RCC2: variants seen among roughly 807,000 people sequenced by gnomAD.
The protein encoded by RCC2 is protein RCC2.
Under a neutral mutation model 64.1 loss-of-function variants are expected in RCC2, and 19 were observed. That is an observed-to-expected ratio of 0.30 (90% CI 0.21 to 0.44). The LOEUF (loss-of-function observed/expected upper bound fraction) is 0.44, where lower values mean the gene tolerates loss of function less well. Among genes scored for constraint, RCC2 ranks in the 20% least tolerant of loss-of-function variants. RCC2 has a pLI of 1.00. For missense variants in RCC2, 508 were observed against 710.4 expected, an observed-to-expected ratio of 0.72 and a Z score of 3.24; for synonymous variants, 325 against 279.6, an observed-to-expected ratio of 1.16 and a Z score of -1.62.
chr1:17,438,234 C>T lies in RCC2; in HGVS notation c.281G>A (p.Arg94His). The T allele has an allele frequency of 3.8e-6, 5 of 1,308,082 alleles. No homozygotes were observed. The South Asian group carries it at 8.5e-5, about 22-fold the overall frequency. 81.0% of individuals were successfully genotyped at this position (1,308,082 alleles called of 1,614,324 possible). A position where few individuals can be genotyped will look rare whatever the true frequency, so the allele number is the denominator to read the frequency against. Residue 94 changes from arginine to histidine, a missense_variant, in exon 2 of 13, where the codon CGC becomes CAC. Arg to His is a conservative substitution (Grantham distance 29, BLOSUM62 0). Coordinates refer to ENST00000375436, the MANE Select transcript of RCC2 (RefSeq NM_018715.4). ...TCTACCCTGACCCTCACTCACGACG[C>T]GCTCCTTGGTGTGCTCGGGTTCGGT... Reference protein sequence around the residue: ...VITEPEHTKERVKLEGSKCKG... With the variant: ...VITEPEHTKEHVKLEGSKCKG...
intron 7 of RCC2, among the ~76,000 whole-genome samples, chr1:17,417,661 C>T (rs927542834): frequency 2.0e-5 from 3 of 151,796 alleles, no homozygotes; most frequent in African/African-American, 4.8e-5. Context: ...CCAGCCTGGG[C>T]GACAGAACAA....
In RCC2 at chr1:17,422,739, T is replaced by A; in HGVS notation, c.621A>T (p.Ala207=). The A allele has an allele frequency of 6.2e-7, 1 of 1,614,118 alleles. No homozygotes were observed. Among genetic ancestry groups the A allele is most frequent in the Non-Finnish European group, 8.5e-7 (1 of 1,180,024 alleles). ...CCAAGGTGTGGTTCCGCCCACATGC[T>A]GCAGACACAATCACTTCGTGGCTAA... ...EGLSHEVIVS[A]ACGRNHTLAL... Residue 207 remains alanine, a synonymous_variant, in exon 5 of 13, where the codon GCA becomes GCT. Transcript: ENST00000375436.
At chr1:17,431,666 T>C (rs1166695552) in intron 2 of RCC2, among the ~76,000 whole-genome samples, 1 of 151,754 alleles carries the variant, frequency 6.6e-6, no homozygotes, top group Non-Finnish European at 1.5e-5. Flanking sequence ...TCCACTTCAA[T>C]AGGAACCTTT....
intron 7 of RCC2, among the ~76,000 whole-genome samples, chr1:17,419,884 TTC>T (rs1557625763): frequency 6.6e-6 from 1 of 152,210 alleles, no homozygotes; most frequent in East Asian, 1.9e-4. Flanking sequence ...TAAGGGGCTG[TTC>T]TCTCTTATTC....
At chr1:17,439,094 T>C (rs1457224022) in intron 1 of RCC2, among the ~76,000 whole-genome samples, 2 of 152,042 alleles carry the variant, frequency 1.3e-5, no homozygotes, top group African/African-American at 4.8e-5. Flanking sequence ...CCTCGGGCTC[T>C]AGTTAGCCGA....
At chr1:17,409,907 A>T in intron 12 of RCC2, 67 bp downstream of exon 12, 1 of 1,357,438 alleles carries the variant, frequency 7.4e-7, no homozygotes. Flanking sequence ...GATGATCAAA[A>T]TCATGAGGAG....
intron 4 of RCC2, 23 bp from the exon 5 acceptor site, chr1:17,422,859 T>A: frequency 6.2e-7 from 1 of 1,613,158 alleles, no homozygotes; most frequent in Non-Finnish European, 8.5e-7. Flanking sequence ...TGAGAGAAAG[T>A]AGAAAAGAGA....
At chr1:17,423,487 G>A (rs976329131) in intron 4 of RCC2, among the ~76,000 whole-genome samples, 7 of 152,184 alleles carry the variant, frequency 4.6e-5, no homozygotes, top group Admixed American at 2.0e-4. Context: ...CTGCAGGTGC[G>A]ACCAAGGCCC....
At chr1:17,437,533 C>T (rs1407363438) in intron 2 of RCC2, among the ~76,000 whole-genome samples, 1 of 152,148 alleles carries the variant, frequency 6.6e-6, no homozygotes, top group Non-Finnish European at 1.5e-5. Flanking sequence ...CGCCCAGGAC[C>T]CTAGGAGATG....
intron 1 of RCC2, 109 bp from the exon 2 acceptor site, chr1:17,438,631 C>A (rs967165227): frequency 8.9e-7 from 1 of 1,129,450 alleles, no homozygotes; most frequent in African/African-American, 1.6e-5. Flanking sequence ...CTGCCCTCCC[C>A]AAAGTGGCGG....
intron 1 of RCC2, among the ~76,000 whole-genome samples, chr1:17,438,798 G>C (rs977232764): frequency 6.6e-6 from 1 of 152,158 alleles, no homozygotes; most frequent in Admixed American, 6.5e-5. Context: ...CCGTAAGTTA[G>C]GTTTGCCCAC....
intron 7 of RCC2, among the ~76,000 whole-genome samples, chr1:17,418,941 T>C (rs2075520876): frequency 6.6e-6 from 1 of 152,142 alleles, no homozygotes; most frequent in Non-Finnish European, 1.5e-5. Context: ...TTTTTCCACC[T>C]CCTTTAAAGA....
At chr1:17,417,400 G>A (rs181074081) in intron 7 of RCC2, among the ~76,000 whole-genome samples, 1 of 152,174 alleles carries the variant, frequency 6.6e-6, no homozygotes, top group Admixed American at 6.5e-5. Context: ...GGGCACGGTG[G>A]GCCACGCCTG....
chr1:17,420,814 G>T lies in RCC2; in HGVS notation c.759C>A (p.Gly253=), dbSNP rs1168632824. ...VPSPAQIMYN[G]QPITKMACGA... Reference sequence around the variant, plus strand: ...CACAGGCCATTTTGGTAATTGGCTGGCCGTTGTACATTATCTGAAAAGACA... The same window carrying T: ...CACAGGCCATTTTGGTAATTGGCTGTCCGTTGTACATTATCTGAAAAGACA... Residue 253 remains glycine (G), a synonymous_variant, in exon 7 of 13, where the codon GGC becomes GGA. Transcript: ENST00000375436. 6.2e-7 allele frequency: 1 copy of T among 1,604,380 alleles called. No individual in the cohort carries two copies.
chr1:17,438,381 C>G lies in RCC2; in HGVS notation c.134G>C (p.Ser45Thr), dbSNP rs2075766112. The G allele has an allele frequency of 9.6e-6, 12 of 1,252,120 alleles. No homozygotes were observed. Among genetic ancestry groups the G allele is most frequent in the Non-Finnish European group, 1.1e-5 (11 of 1,002,974 alleles). The allele number at this position is 1,252,120 out of a possible 1,614,324, so 77.6% of individuals were successfully genotyped here. The part of the protein sequence containing the change: ...KRERPERCSS[S>T]SGGGSSGDED... ...GTCGCCGCTGCTGCCGCCGCCGCTG[C>G]TGCTACTGCAGCGCTCGGGCCGCTC... The change falls in exon 2 of 13, where the codon AGC (serine) becomes ACC (threonine). Residue 45 changes from serine (S) to threonine (T), a missense_variant. Physicochemically the swap from Ser to Thr is moderately conservative, Grantham distance 58. Transcript: ENST00000375436.
intron 7 of RCC2, among the ~76,000 whole-genome samples, chr1:17,420,280 G>A (rs933662460): frequency 6.6e-5 from 10 of 152,286 alleles, no homozygotes; most frequent in African/African-American, 2.4e-4. Context: ...ACGGGGAGGG[G>A]GTCCACCAGG....
At chr1:17,436,976 A>G (rs374348137) in intron 2 of RCC2, among the ~76,000 whole-genome samples, 64 of 152,280 alleles carry the variant, frequency 4.2e-4, no homozygotes, top group African/African-American at 1.5e-3. Flanking sequence ...ACAGCTTTTG[A>G]CGGGCTCTCC....
chr1:17,424,471 A>C (rs1325019640), intron 4 of RCC2, among the ~76,000 whole-genome samples: 8 of 152,208 alleles, frequency 5.3e-5, no homozygotes, highest in Non-Finnish European at 1.2e-4. Flanking sequence ...GAAGGGACAC[A>C]CATCTATGCC....
intron 3 of RCC2, among the ~76,000 whole-genome samples, chr1:17,425,993 G>A (rs983919431): frequency 2.6e-5 from 4 of 152,170 alleles, no homozygotes; most frequent in Non-Finnish European, 4.4e-5. Context: ...TCAGCCCCAC[G>A]TGTTCTGCCA....
Sources: allele counts gnomAD v4.1 joint callset (sites outside exome capture counted in the v4.1 genomes callset), GRCh38; gene constraint gnomAD v4.1.1; transcripts MANE v1.5; gene names NCBI Gene and HGNC (gene_info 2026-07-23, HGNC 2026-07-21).